PPTC7: variants seen among roughly 807,000 people sequenced by gnomAD.
PPTC7 encodes the protein protein phosphatase PTC7 homolog.
In PPTC7, 6 loss-of-function variants were observed where a neutral mutation model predicts 30.8. The ratio of observed to expected loss-of-function variants is 0.19; its 90% CI spans 0.11 to 0.38. The LOEUF (loss-of-function observed/expected upper bound fraction) is 0.38. Ranked by LOEUF, PPTC7 falls within the 10% of genes least tolerant of loss-of-function variation. PPTC7 has a pLI of 1.00. For missense variants in PPTC7, 218 were observed against 404.8 expected (o/e 0.54, Z 3.96); for synonymous variants, 163 against 168.1 (o/e 0.97, Z 0.23).
intron 1 of PPTC7, among the ~76,000 whole-genome samples, chr12:110,575,492 C>T (rs904658276): frequency 6.6e-6 from 1 of 150,652 alleles, no homozygotes; most frequent in Non-Finnish European, 1.5e-5. Context: ...GTGTCACACA[C>T]TAGTACAAAC....
chr12:110,550,433 T>A (rs2064341775), intron 2 of PPTC7, among the ~76,000 whole-genome samples: 1 of 151,972 alleles, frequency 6.6e-6, no homozygotes, highest in Admixed American at 6.6e-5. Flanking sequence ...GGTTTCACTG[T>A]GTTAGCCACG....
At chr12:110,537,582 T>G (rs747678076) in intron 5 of PPTC7, among the ~76,000 whole-genome samples, 9 of 152,214 alleles carry the variant, frequency 5.9e-5, no homozygotes, top group Non-Finnish European at 1.3e-4. Context: ...AGAAACTAAT[T>G]CTACTAGCTC....
At chr12:110,579,727 T>C (rs947513969) in intron 1 of PPTC7, among the ~76,000 whole-genome samples, 2 of 151,892 alleles carry the variant, frequency 1.3e-5, no homozygotes, top group Non-Finnish European at 2.9e-5. Context: ...AAAAGTAAAA[T>C]ATGGGCTGGG....
intron 3 of PPTC7, 122 bp from the exon 4 acceptor site, chr12:110,540,067 A>G: frequency 3.8e-6 from 3 of 789,288 alleles, no homozygotes; most frequent in Non-Finnish European, 5.4e-6. Context: ...ATTTATCATA[A>G]TGGAGTCAAT....
intron 1 of PPTC7, among the ~76,000 whole-genome samples, chr12:110,579,068 G>C (rs2064614349): frequency 1.3e-5 from 2 of 152,064 alleles, no homozygotes; most frequent in South Asian, 4.1e-4. Context: ...AGAATCGCTT[G>C]AAGCTGGGAG....
At chr12:110,574,568 C>G (rs1470289296) in intron 1 of PPTC7, among the ~76,000 whole-genome samples, 1 of 152,146 alleles carries the variant, frequency 6.6e-6, no homozygotes, top group Non-Finnish European at 1.5e-5. Context: ...TTTAGCATCT[C>G]TTTTCTTCTT....
At position 110,535,158 on chromosome 12, in the gene PPTC7, T is replaced by A. The variant is rs1162409300; in HGVS notation, c.*1879A>T. ...CATGCTTCTGTGTTTTATCATAGCA[T>A]GATGATTTCTCCTTAAATAGAGACT... On this transcript the variant is annotated 3_prime_UTR_variant, in exon 6 of 6. Coordinates refer to ENST00000354300, the MANE Select transcript of PPTC7 (RefSeq NM_139283.2). 6.6e-6 allele frequency: 1 copy of A among 152,632 alleles called. No individual in the cohort carries two copies. The highest frequency in any genetic ancestry group is 2.4e-5 in the African/African-American group (1 of 41,440). 9.5% of individuals were successfully genotyped at this position (152,632 alleles called of 1,614,324 possible).
intron 1 of PPTC7, among the ~76,000 whole-genome samples, chr12:110,570,207 C>T (rs1373167073): frequency 6.8e-6 from 1 of 147,472 alleles, no homozygotes; most frequent in African/African-American, 2.6e-5. Context: ...GCTGTGTCAA[C>T]TCAGAGTTGA....
intron 1 of PPTC7, among the ~76,000 whole-genome samples, chr12:110,554,955 T>A (rs924888100): frequency 6.6e-6 from 1 of 152,212 alleles, no homozygotes; most frequent in Non-Finnish European, 1.5e-5. Flanking sequence ...GCATGTATCA[T>A]ATGATTTTTT....
chr12:110,558,332 T>A (rs577168729), intron 1 of PPTC7, among the ~76,000 whole-genome samples: 3 of 152,264 alleles, frequency 2.0e-5, no homozygotes, highest in African/African-American at 7.2e-5. Context: ...ATAATCTCTA[T>A]GGAGGTAGAG....
At chr12:110,538,408 C>A (rs1159149799) in intron 4 of PPTC7, 135 bp from the exon 5 acceptor site, 2 of 795,090 alleles carry the variant, frequency 2.5e-6, no homozygotes, top group Non-Finnish European at 4.0e-6. Flanking sequence ...CTAATATGAA[C>A]AAGACTCCAG....
At chr12:110,538,397 G>T in intron 4 of PPTC7, 124 bp from the exon 5 acceptor site, 3 of 900,478 alleles carry the variant, frequency 3.3e-6, no homozygotes, top group Non-Finnish European at 5.1e-6. Flanking sequence ...TCATGCCCTG[G>T]CTAATATGAA....
chr12:110,579,456 G>C (rs918214179), intron 1 of PPTC7, among the ~76,000 whole-genome samples: 8 of 152,284 alleles, frequency 5.3e-5, no homozygotes, highest in South Asian at 2.1e-4. Flanking sequence ...TTCCCTTCAA[G>C]GGTACAGAGC....
intron 1 of PPTC7, among the ~76,000 whole-genome samples, chr12:110,561,037 T>C (rs1431877343): frequency 1.3e-5 from 2 of 152,220 alleles, no homozygotes; most frequent in African/African-American, 4.8e-5. Context: ...GGAGACCCTC[T>C]GCACTCTAAG....
rs561828390 is a variant in PPTC7 at position 110,568,950 on chromosome 12, G to A, written c.223+13859C>T. On this transcript the variant is annotated intron_variant, in intron 1 of 5. Coordinates refer to ENST00000354300, the MANE Select transcript of PPTC7 (RefSeq NM_139283.2). ...GGATGGCTTCAGTCCGGGAGGTCGA[G>A]GCTGCAGTGCACTACAACTACACCT... Among the ~76,000 whole-genome samples the A allele has an allele frequency of 5.9e-5, 9 of 152,264 alleles. No individual in the cohort carries two copies. In the East Asian group the frequency reaches 1.7e-3, roughly 29 times the overall value.
chr12:110,563,658 TCAAA>T lies in PPTC7; in HGVS notation c.224-11694_224-11691del, dbSNP rs201783364. ...TGAAAATGGAAACTATAGGCAAAAC[TCAAA>T]CAACAAAATCAAAGCTGTAGTAAGC... On this transcript the variant is annotated intron_variant, in intron 1 of 5. Coordinates refer to ENST00000354300, the MANE Select transcript of PPTC7 (RefSeq NM_139283.2). 6.9e-3 allele frequency among the ~76,000 whole-genome samples: 1,039 copies of T among 151,618 alleles called. 1 individual carries two copies. The highest frequency in any genetic ancestry group is 9.4e-3 in the Non-Finnish European group (636 of 67,938).
intron 1 of PPTC7, among the ~76,000 whole-genome samples, chr12:110,559,202 AT>A (rs989935471): frequency 1.2e-3 from 185 of 151,408 alleles, no homozygotes; most frequent in African/African-American, 4.2e-3. Context: ...TTTTTTAAAA[AT>A]TTTTTTTGTA....
At chr12:110,569,046 A>G (rs1274573291) in intron 1 of PPTC7, among the ~76,000 whole-genome samples, 1 of 131,202 alleles carries the variant, frequency 7.6e-6, no homozygotes, top group African/African-American at 3.0e-5. Context: ...CCCCCCCTCA[A>G]AAAAAGCCAG....
At chr12:110,570,860 G>A (rs1452277608) in intron 1 of PPTC7, among the ~76,000 whole-genome samples, 23 of 150,456 alleles carry the variant, frequency 1.5e-4, no homozygotes, top group Admixed American at 9.3e-4. Context: ...AGAGGCTGGC[G>A]GGATCCTCCA....
Sources: allele counts gnomAD v4.1 joint callset (sites outside exome capture counted in the v4.1 genomes callset), GRCh38; gene constraint gnomAD v4.1.1; transcripts MANE v1.5; gene names NCBI Gene and HGNC (gene_info 2026-07-23, HGNC 2026-07-21).